Variants in WWOX observed in about 807,000 individuals in gnomAD.
The protein encoded by WWOX is WW domain containing oxidoreductase.
WWOX carries 69 observed loss-of-function variants against 46.2 expected under a neutral mutation model. The ratio of observed to expected loss-of-function variants is 1.49; its 90% CI spans 1.23 to 1.82. The LOEUF is 1.82. WWOX is among the 40% of genes most tolerant of loss of function. The pLI, the probability that WWOX is intolerant of heterozygous loss-of-function variation, is 0.00. For synonymous variants in WWOX, 359 were observed against 202.6 expected (o/e 1.77, Z -6.56); for missense variants, 919 against 542.6 (o/e 1.69, Z -6.89).
intron 8 of WWOX, among the ~76,000 whole-genome samples, chr16:78,734,604 A>T (rs1369295539): frequency 1.3e-5 from 2 of 151,992 alleles, no homozygotes; most frequent in Admixed American, 1.3e-4. Context: ...TTCCTGTTTC[A>T]ACTTGATTAG....
At chr16:79,154,298 G>A (rs374739621) in intron 8 of WWOX, among the ~76,000 whole-genome samples, 2 of 152,158 alleles carry the variant, frequency 1.3e-5, no homozygotes, top group African/African-American at 2.4e-5. Flanking sequence ...CAGGAACAAA[G>A]CCTTTTGTTT....
At chr16:78,353,091 ACTGT>A (rs147873090) in intron 5 of WWOX, among the ~76,000 whole-genome samples, 2,510 of 152,314 alleles carry the variant, frequency 0.016, 72 homozygotes, top group African/African-American at 0.058. Flanking sequence ...TAAATAAAAT[ACTGT>A]CTGTTTTCCT....
At chr16:79,103,519 A>T (rs779169199) in intron 8 of WWOX, among the ~76,000 whole-genome samples, 5 of 152,126 alleles carry the variant, frequency 3.3e-5, no homozygotes, top group Non-Finnish European at 7.4e-5. Flanking sequence ...GCTGGAGAAC[A>T]CCCGTTTCAT....
At position 78,137,033 on chromosome 16, in the gene WWOX, A is replaced by G. The variant is rs544534142; in HGVS notation, c.409+21879A>G. Among the ~76,000 whole-genome samples, 180 of 152,288 alleles carry G rather than the reference A, an allele frequency of 1.2e-3. 1 individual carries two copies. Among genetic ancestry groups the G allele is most frequent in the African/African-American group, 4.3e-3 (177 of 41,538 alleles). The stretch of plus-strand genomic sequence containing the variant: ...CCCGGTTCTCAATCCTGGAATTACC[A>G]TTCACATACCATTCACAACATAAGT... On this transcript the variant is annotated intron_variant, in intron 4 of 8. Coordinates refer to ENST00000566780, the MANE Select transcript of WWOX (RefSeq NM_016373.4).
At chr16:78,411,629 T>A (rs1015163166) in intron 6 of WWOX, among the ~76,000 whole-genome samples, 2 of 152,116 alleles carry the variant, frequency 1.3e-5, no homozygotes, top group Non-Finnish European at 2.9e-5. Flanking sequence ...CATTAAAAGT[T>A]TTTGAGAATG....
At chr16:79,038,150 G>C (rs868364192) in intron 8 of WWOX, among the ~76,000 whole-genome samples, 1 of 152,156 alleles carries the variant, frequency 6.6e-6, no homozygotes, top group African/African-American at 2.4e-5. Context: ...TGAACCCCAG[G>C]ACAGGGTGAG....
At chr16:79,167,038 T>G (rs1389788947) in intron 8 of WWOX, among the ~76,000 whole-genome samples, 1 of 152,102 alleles carries the variant, frequency 6.6e-6, no homozygotes, top group Non-Finnish European at 1.5e-5. Flanking sequence ...CCTCCCAGGT[T>G]CAAACAATTC....
At chr16:78,597,470 T>C (rs769536085) in intron 8 of WWOX, among the ~76,000 whole-genome samples, 1 of 152,200 alleles carries the variant, frequency 6.6e-6, no homozygotes, top group Non-Finnish European at 1.5e-5. Flanking sequence ...ATGTCTTTGG[T>C]CCACCATTAA....
At chr16:78,152,552 C>T (rs2034454883) in intron 4 of WWOX, among the ~76,000 whole-genome samples, 1 of 152,128 alleles carries the variant, frequency 6.6e-6, no homozygotes, top group Non-Finnish European at 1.5e-5. Context: ...ACATCTTTAC[C>T]GACAGGACTG....
intron 8 of WWOX, among the ~76,000 whole-genome samples, chr16:79,191,139 C>G (rs1043560726): frequency 1.3e-5 from 2 of 152,116 alleles, no homozygotes; most frequent in African/African-American, 2.4e-5. Context: ...GTGCAGCCTC[C>G]GCCTCTCGGG....
At chr16:79,047,672 ATTTTTTTTTTTTTTT>A (rs71140858) in intron 8 of WWOX, among the ~76,000 whole-genome samples, 6 of 53,542 alleles carry the variant, frequency 1.1e-4, no homozygotes, top group South Asian at 1.0e-3. Flanking sequence ...GACTGTCCTG[ATTTTTTTTTTTTTTT>A]TTTTTTTTTT....
intron 5 of WWOX, among the ~76,000 whole-genome samples, chr16:78,303,745 T>C (rs2080084341): frequency 6.6e-6 from 1 of 152,256 alleles, no homozygotes; most frequent in Non-Finnish European, 1.5e-5. Flanking sequence ...GATTTCTGCA[T>C]GTTGGTCAGG....
chr16:78,422,647 CCT>C (rs1272182149), intron 6 of WWOX, among the ~76,000 whole-genome samples: 2 of 43,708 alleles, frequency 4.6e-5, no homozygotes, highest in African/African-American at 9.5e-5. Flanking sequence ...TGCCCAGCCT[CCT>C]GTTTTTTTTA....
intron 8 of WWOX, among the ~76,000 whole-genome samples, chr16:78,556,288 A>G (rs1212699919): frequency 6.6e-6 from 1 of 151,134 alleles, no homozygotes; most frequent in African/African-American, 2.4e-5. Flanking sequence ...AAAAAATCCA[A>G]CACAGAGACA....
chr16:78,376,809 C>T lies in WWOX; in HGVS notation c.517-10051C>T, dbSNP rs546577699. 3.3e-5 allele frequency among the ~76,000 whole-genome samples: 5 copies of T among 152,306 alleles called. 1 individual carries two copies. The East Asian group carries it at 9.7e-4, about 29-fold the overall frequency. On this transcript the variant is annotated intron_variant, in intron 5 of 8. Coordinates refer to ENST00000566780, the MANE Select transcript of WWOX (RefSeq NM_016373.4). ...CAGAGCAGACTCTGCTCACACTGGG[C>T]TATCAGGGTATAGTTCTCTCCCTCC...
At chr16:78,390,770 A>G (rs2082158977) in intron 6 of WWOX, among the ~76,000 whole-genome samples, 2 of 152,230 alleles carry the variant, frequency 1.3e-5, no homozygotes, top group South Asian at 2.1e-4. Context: ...ATCTTCAGAC[A>G]TTAAAATTTT....
intron 8 of WWOX, among the ~76,000 whole-genome samples, chr16:78,457,154 C>A (rs17719479): frequency 3.6e-4 from 55 of 152,176 alleles, no homozygotes; most frequent in Non-Finnish European, 7.1e-4. Context: ...GTGTCTGCAC[C>A]CTTTTTTGTT....
intron 8 of WWOX, among the ~76,000 whole-genome samples, chr16:78,694,218 A>G (rs1305623523): frequency 2.0e-5 from 3 of 152,156 alleles, no homozygotes; most frequent in African/African-American, 7.2e-5. Flanking sequence ...GTCTCAAAAA[A>G]TAAAATAAAA....
Position 79,025,596 on chromosome 16 carries a change from C to T in WWOX, c.1057-186012C>T, listed in dbSNP as rs940888101. Among the ~76,000 whole-genome samples, 7 of 152,016 alleles carry T rather than the reference C, an allele frequency of 4.6e-5. No individual in the cohort carries two copies. In the South Asian group the frequency reaches 8.3e-4, roughly 18 times the overall value. ...GGCACAAATAGGTTCTCCTCAGAGC[C>T]CCCAGAAGGAACTAAGCCTTCTCAC... is the stretch of plus-strand genomic sequence containing the variant. On this transcript the variant is annotated intron_variant, in intron 8 of 8. Coordinates refer to ENST00000566780, the MANE Select transcript of WWOX (RefSeq NM_016373.4).
Sources: allele counts gnomAD v4.1 joint callset (sites outside exome capture counted in the v4.1 genomes callset), GRCh38; gene constraint gnomAD v4.1.1; transcripts MANE v1.5; gene names NCBI Gene and HGNC (gene_info 2026-07-23, HGNC 2026-07-21).